The following SNAP47 variants were observed in gnomAD, a reference collection of about 807,000 sequenced individuals.
SNAP47 encodes synaptosomal-associated protein 47.
A neutral mutation model predicts 31.4 loss-of-function variants in SNAP47; 20 were observed. That is an observed-to-expected ratio of 0.64 (90% confidence interval 0.45 to 0.93). SNAP47 has a LOEUF of 0.93. Among genes scored for constraint, SNAP47 ranks in the 40% least tolerant of loss-of-function variants. The pLI is 0.00. For synonymous variants in SNAP47, 194 were observed against 213.4 expected (o/e 0.91, Z 0.79); for missense variants, 492 against 528.5 (o/e 0.93, Z 0.68).
chr1:227,773,535 A>G (rs1036024181), intron 4 of SNAP47, among the ~76,000 whole-genome samples: 5 of 152,250 alleles, frequency 3.3e-5, no homozygotes, highest in Non-Finnish European at 7.3e-5. Context: ...AGTCCACAGT[A>G]GTGTTCAGTC....
upstream of SNAP47, chr1:227,733,434 G>A (rs769406665): frequency 2.5e-6 from 4 of 1,578,546 alleles, no homozygotes; most frequent in African/African-American, 1.4e-5. Flanking sequence ...ACCTGGTGGT[G>A]CCAGCCACTG....
At chr1:227,760,874 T>A (rs1474642214) in intron 3 of SNAP47, among the ~76,000 whole-genome samples, 1 of 152,242 alleles carries the variant, frequency 6.6e-6, no homozygotes, top group African/African-American at 2.4e-5. Context: ...AGTCTCTTCC[T>A]CCCTTACAGA....
intron 4 of SNAP47, chr1:227,776,480 C>G: frequency 2.0e-6 from 2 of 985,752 alleles, no homozygotes; most frequent in Non-Finnish European, 2.4e-6. Flanking sequence ...TGACTCAGAG[C>G]CCATGAAGGT....
intron 2 of SNAP47, among the ~76,000 whole-genome samples, chr1:227,749,660 T>A (rs1211023262): frequency 1.3e-5 from 2 of 152,188 alleles, no homozygotes; most frequent in Non-Finnish European, 2.9e-5. Flanking sequence ...TTCCTTTGTC[T>A]TTGGAGAAGT....
chr1:227,759,197 G>A lies in SNAP47; in HGVS notation c.700G>A (p.Val234Met), dbSNP rs756840736. The change falls in exon 3 of 5, where the codon GTG becomes ATG. Residue 234 changes from valine to methionine, a missense_variant. Val to Met is a conservative substitution (Grantham distance 21). Coordinates refer to ENST00000617596, the MANE Select transcript of SNAP47 (RefSeq NM_053052.4). ...TAAACCAGGGAGGCTCACCGTCCTT[G>A]TGTCTGGGTTGGAAATACATGACTC... Reference protein sequence around the residue: ...HVKPGRLTVLVSGLEIHDSSS... With the variant: ...HVKPGRLTVLMSGLEIHDSSS... The A allele has an allele frequency of 1.9e-6, 3 of 1,614,206 alleles. No individual in the cohort carries two copies. The highest frequency in any genetic ancestry group is 1.7e-6 in the Non-Finnish European group (2 of 1,180,038).
At chr1:227,747,633 G>A in intron 1 of SNAP47, 59 bp from the exon 2 acceptor site, 1 of 1,514,842 alleles carries the variant, frequency 6.6e-7, no homozygotes, top group Non-Finnish European at 8.9e-7. Context: ...TCCTTGTGGG[G>A]TTGCTTGTGT....
chr1:227,738,188 C>T (rs1274349744), intron 1 of SNAP47, among the ~76,000 whole-genome samples: 10 of 152,168 alleles, frequency 6.6e-5, no homozygotes, highest in Admixed American at 1.3e-4. Context: ...ATTACAGGCG[C>T]GCACCACCAC....
chr1:227,767,730 CTG>C (rs202134169), intron 4 of SNAP47, among the ~76,000 whole-genome samples: 3 of 151,884 alleles, frequency 2.0e-5, no homozygotes, highest in Non-Finnish European at 2.9e-5. Flanking sequence ...TATGTGTACT[CTG>C]TGTGTGCTGT....
At chr1:227,732,123 G>A (rs1660688749), upstream of SNAP47, 19 of 556,888 alleles carry the variant, frequency 3.4e-5, no homozygotes, top group South Asian at 3.9e-4. Context: ...TAAGGAGGCA[G>A]GGCCCCCAAA....
chr1:227,747,499 G>T (rs564266428), intron 1 of SNAP47, among the ~76,000 whole-genome samples, 193 bp from the exon 2 acceptor site: 1 of 152,286 alleles, frequency 6.6e-6, no homozygotes, highest in Non-Finnish European at 1.5e-5. Context: ...CAGCCCTCCT[G>T]CTCTGGCTGC....
intron 1 of SNAP47, 46 bp downstream of exon 1, chr1:227,735,545 C>T (rs1485480383): frequency 4.4e-6 from 6 of 1,358,556 alleles, no homozygotes; most frequent in East Asian, 3.0e-5. Flanking sequence ...CAAGCCAAGC[C>T]GTAGCGTCCG....
chr1:227,773,055 G>A (rs1663923972), intron 4 of SNAP47, among the ~76,000 whole-genome samples: 1 of 151,914 alleles, frequency 6.6e-6, no homozygotes, highest in African/African-American at 2.4e-5. Context: ...CCGCCTCCCA[G>A]GCTCAGGTGA....
intron 1 of SNAP47, among the ~76,000 whole-genome samples, chr1:227,738,908 G>A (rs1048001855): frequency 1.3e-5 from 2 of 152,194 alleles, no homozygotes. Flanking sequence ...AGATCACTGA[G>A]CCCCTAGGAC....
chr1:227,734,709 G>C (rs572621463), upstream of SNAP47: 1 of 1,614,154 alleles, frequency 6.2e-7, no homozygotes, highest in Non-Finnish European at 8.5e-7. Flanking sequence ...TAGCCCGCCT[G>C]TATGTACTCT....
At chr1:227,752,469 C>A (rs1304629787) in intron 2 of SNAP47, among the ~76,000 whole-genome samples, 1 of 152,156 alleles carries the variant, frequency 6.6e-6, no homozygotes, top group African/African-American at 2.4e-5. Context: ...TCTTTAGGTC[C>A]CACATGCGTC....
At chr1:227,772,102 A>G (rs1277941827) in intron 4 of SNAP47, among the ~76,000 whole-genome samples, 1 of 152,144 alleles carries the variant, frequency 6.6e-6, no homozygotes, top group East Asian at 1.9e-4. Context: ...AATGAAGGCC[A>G]AGTGTGCGGG....
chr1:227,764,694 A>G (rs1299006125), intron 3 of SNAP47, among the ~76,000 whole-genome samples: 1 of 152,184 alleles, frequency 6.6e-6, no homozygotes, highest in Non-Finnish European at 1.5e-5. Flanking sequence ...TCACGAGGTC[A>G]GGAGTTCAAG....
At chr1:227,774,463 T>C (rs1236195671) in intron 4 of SNAP47, among the ~76,000 whole-genome samples, 1 of 151,778 alleles carries the variant, frequency 6.6e-6, no homozygotes, top group African/African-American at 2.4e-5. Context: ...ATGGCAGGGG[T>C]CAGCACTGTG....
upstream of SNAP47, among the ~76,000 whole-genome samples, chr1:227,728,335 C>A (rs151042995): frequency 1.8e-4 from 27 of 152,002 alleles, no homozygotes; most frequent in East Asian, 5.1e-3. Context: ...AGGGCCGGTG[C>A]TTGCCACCGG....
Sources: gnomAD v4.1 joint callset for allele counts (sites outside exome capture counted in the v4.1 genomes callset) on GRCh38, gnomAD v4.1.1 for gene constraint, MANE v1.5 for transcripts, NCBI Gene and HGNC (gene_info 2026-07-23, HGNC 2026-07-21) for gene names.